Variants in ISY1 observed in about 807,000 individuals in gnomAD.
ISY1 encodes the protein ISY1 spliceosome associated protein, also known as pre-mRNA-splicing factor ISY1 homolog.
Under a neutral mutation model 54.4 loss-of-function variants are expected in ISY1, and 12 were observed. The observed-to-expected ratio is 0.22, with a 90% confidence interval of 0.14 to 0.36. The LOEUF is 0.36. Ranked by LOEUF, ISY1 falls within the 10% of genes least tolerant of loss-of-function variation. The probability of loss-of-function intolerance (pLI) is 1.00; values close to 1 mark genes in which losing one functional copy is unlikely to be tolerated. For missense variants in ISY1, 282 were observed against 342.2 expected (o/e 0.82, Z 1.39); for synonymous variants, 96 against 117.9 (o/e 0.81, Z 1.20).
At chr3:129,130,742 T>C in intron 9 of ISY1, 106 bp from the exon 10 acceptor site, 1 of 1,209,086 alleles carries the variant, frequency 8.3e-7, no homozygotes, top group Non-Finnish European at 1.1e-6. Context: ...AAAAAAAAAC[T>C]AAGAAAGTTC....
chr3:129,156,444 T>C (rs1937144734), intron 5 of ISY1, among the ~76,000 whole-genome samples, 189 bp downstream of exon 5: 1 of 151,562 alleles, frequency 6.6e-6, no homozygotes, highest in Non-Finnish European at 1.5e-5. Flanking sequence ...TTAGGTACAG[T>C]GTTGTGAGAC....
At chr3:129,130,277 A>T (rs2107598123) in intron 10 of ISY1, 89 bp from the exon 11 acceptor site, 1 of 1,480,170 alleles carries the variant, frequency 6.8e-7, no homozygotes, top group East Asian at 2.3e-5. Context: ...CCGTGGGAGA[A>T]GTCCATCAAG....
At chr3:129,153,498 T>C (rs1937037349) in intron 5 of ISY1, among the ~76,000 whole-genome samples, 1 of 152,082 alleles carries the variant, frequency 6.6e-6, no homozygotes, top group South Asian at 2.1e-4. Flanking sequence ...AAAAATTTCT[T>C]CAGGGCTGGG....
chr3:129,139,003 C>T (rs973624146), intron 7 of ISY1, among the ~76,000 whole-genome samples: 8 of 151,618 alleles, frequency 5.3e-5, no homozygotes, highest in African/African-American at 1.2e-4. Flanking sequence ...GGGACGATCT[C>T]GGCTCACTGC....
At position 129,156,877 on chromosome 3, in the gene ISY1, T is replaced by G. The variant is rs772713488; in HGVS notation, c.122A>C (p.Lys41Thr). The G allele has an allele frequency of 3.1e-6, 5 of 1,613,924 alleles. No homozygotes were observed. Among genetic ancestry groups the G allele is most frequent in the Non-Finnish European group, 4.2e-6 (5 of 1,179,980 alleles). Residue 41 changes from lysine (K) to threonine (T), a missense_variant, in exon 4 of 11, where the codon AAA becomes ACA. Around this residue, in one of 2 missense-constraint regions of ISY1, gnomAD observed 279 missense variants for 323.6 expected, o/e 0.86. Coordinates refer to ENST00000393295, the MANE Select transcript of ISY1 (RefSeq NM_020701.4). ...TACCTGTCGTCTCCACTTCTCAGCTTTAGGCAGTTCAGTACATTCTGAGGC... is the reference window on the plus strand; with the variant it reads ...TACCTGTCGTCTCCACTTCTCAGCTGTAGGCAGTTCAGTACATTCTGAGGC... Reference protein sequence around the residue: ...FLASECTELPKAEKWRRQIIG... With the variant: ...FLASECTELPTAEKWRRQIIG...
chr3:129,154,554 TTGTC>T (rs1164582910), intron 5 of ISY1, among the ~76,000 whole-genome samples: 1 of 152,094 alleles, frequency 6.6e-6, no homozygotes, highest in South Asian at 2.1e-4. Context: ...GGGCATAACA[TTGTC>T]TGTAATATTT....
chr3:129,158,889 G>A (rs1937221218), intron 2 of ISY1, among the ~76,000 whole-genome samples: 1 of 152,128 alleles, frequency 6.6e-6, no homozygotes, highest in South Asian at 2.1e-4. Flanking sequence ...TTCCCTGGCT[G>A]TCACTCTCAC....
chr3:129,150,586 G>A (rs1275336557), intron 5 of ISY1, among the ~76,000 whole-genome samples: 2 of 152,032 alleles, frequency 1.3e-5, no homozygotes, highest in South Asian at 4.1e-4. Flanking sequence ...GGTGGTGGGC[G>A]CCTGTAGTCC....
At chr3:129,145,975 T>C in intron 5 of ISY1, 102 bp from the exon 6 acceptor site, 3 of 1,057,018 alleles carry the variant, frequency 2.8e-6, no homozygotes, top group Non-Finnish European at 4.1e-6. Flanking sequence ...TGTCAACACC[T>C]ACAAAGGTAT....
At chr3:129,138,656 A>T (rs1237525937) in intron 7 of ISY1, among the ~76,000 whole-genome samples, 1 of 151,616 alleles carries the variant, frequency 6.6e-6, no homozygotes, top group Non-Finnish European at 1.5e-5. Flanking sequence ...AAACAAAAAA[A>T]AGATACAAAT....
chr3:129,131,333 T>C (rs1936233938), intron 9 of ISY1, among the ~76,000 whole-genome samples: 1 of 152,112 alleles, frequency 6.6e-6, no homozygotes. Context: ...AACAAGAAAA[T>C]TCCCAGCAAC....
intron 9 of ISY1, 105 bp downstream of exon 9, chr3:129,133,969 G>T: frequency 6.4e-7 from 1 of 1,550,782 alleles, no homozygotes; most frequent in Admixed American, 1.8e-5. Context: ...GAGCAAGCTG[G>T]GCTGTGAACC....
At chr3:129,160,773 A>G (rs1937283700) in intron 1 of ISY1, among the ~76,000 whole-genome samples, 200 bp downstream of exon 1, 1 of 151,408 alleles carries the variant, frequency 6.6e-6, no homozygotes, top group South Asian at 2.1e-4. Context: ...CCAGGACAGT[A>G]ACGCGGCTCC....
chr3:129,151,913 C>T (rs1178421485), intron 5 of ISY1, among the ~76,000 whole-genome samples: 2 of 152,026 alleles, frequency 1.3e-5, no homozygotes, highest in African/African-American at 4.8e-5. Context: ...AATCCCAGCT[C>T]TTAGGGAGGC....
intron 7 of ISY1, among the ~76,000 whole-genome samples, chr3:129,136,398 G>A (rs1035270559): frequency 1.6e-4 from 25 of 152,170 alleles, no homozygotes; most frequent in East Asian, 7.7e-4. Context: ...CACTGCACCC[G>A]GCTAAGTAAT....
chr3:129,138,444 G>A (rs1461042379), intron 7 of ISY1, among the ~76,000 whole-genome samples: 1 of 151,270 alleles, frequency 6.6e-6, no homozygotes, highest in South Asian at 2.1e-4. Context: ...GACCATCCTG[G>A]CTAACACGGT....
At chr3:129,147,464 C>G (rs1936802948) in intron 5 of ISY1, among the ~76,000 whole-genome samples, 1 of 152,150 alleles carries the variant, frequency 6.6e-6, no homozygotes, top group Non-Finnish European at 1.5e-5. Context: ...CCTGCCACCA[C>G]CATGGTGAGA....
In ISY1 at chr3:129,142,466, G is replaced by A. The variant is rs374510441; in HGVS notation, c.301-1981C>T. Among the ~76,000 whole-genome samples the A allele has an allele frequency of 1.7e-4, 26 of 152,248 alleles. 3 individuals are homozygous for A. The highest frequency in any genetic ancestry group is 5.9e-4 in the Admixed American group (9 of 15,278). ...TGATGTATTGTAACCTACCTTTCAA[G>A]TGGTTCACAAAAAATAAATCTCAAG... On this transcript the variant is annotated intron_variant, in intron 6 of 10. Coordinates refer to ENST00000393295, the MANE Select transcript of ISY1 (RefSeq NM_020701.4).
At chr3:129,130,981 T>C (rs1187013862) in intron 9 of ISY1, among the ~76,000 whole-genome samples, 3 of 152,224 alleles carry the variant, frequency 2.0e-5, no homozygotes, top group Non-Finnish European at 2.9e-5. Context: ...TTAAAAAATT[T>C]AAATGTAAAA....
Sources: allele counts gnomAD v4.1 joint callset (sites outside exome capture counted in the v4.1 genomes callset), GRCh38; gene constraint gnomAD v4.1.1; regional missense constraint gnomAD v4.1.1; transcripts MANE v1.5; gene names NCBI Gene and HGNC (gene_info 2026-07-23, HGNC 2026-07-21).